Variants in MARCHF4 observed in about 807,000 individuals in gnomAD.
The protein encoded by MARCHF4 is E3 ubiquitin-protein ligase MARCHF4.
MARCHF4 carries 14 observed loss-of-function variants against 43.9 expected under a neutral mutation model. The ratio of observed to expected loss-of-function variants is 0.32; its 90% confidence interval spans 0.21 to 0.50. MARCHF4 has a LOEUF of 0.50. Among genes scored for constraint, MARCHF4 ranks in the 20% least tolerant of loss-of-function variants. MARCHF4 has a pLI of 0.98. For missense variants in MARCHF4, 468 were observed against 536.7 expected, an observed-to-expected ratio of 0.87 and a Z score of 1.27; for synonymous variants, 226 against 213.3, an observed-to-expected ratio of 1.06 and a Z score of -0.52.
At chr2:216,308,772 G>A (rs1170054437) in intron 1 of MARCHF4, among the ~76,000 whole-genome samples, 5 of 152,162 alleles carry the variant, frequency 3.3e-5, no homozygotes, top group African/African-American at 9.7e-5. Context: ...TCATTAACCT[G>A]AGCTAAAAAT....
chr2:216,333,049 C>T (rs1204722214), intron 1 of MARCHF4, among the ~76,000 whole-genome samples: 1 of 152,210 alleles, frequency 6.6e-6, no homozygotes, highest in Non-Finnish European at 1.5e-5. Flanking sequence ...AAATCCATAA[C>T]TCTTCTAGAA....
rs112806320 is a variant in MARCHF4, at chr2:216,351,249, G to A, written c.516+18496C>T. 8.6e-3 allele frequency among the ~76,000 whole-genome samples: 1,306 copies of A among 152,246 alleles called. 18 individuals are homozygous for A. The highest frequency in any genetic ancestry group is 0.03 in the African/African-American group (1,229 of 41,526). On this transcript the variant is annotated intron_variant, in intron 1 of 3. Transcript: ENST00000273067. ...CACTGCATGCCAGGCATCACCACGC[G>A]CAAGGAAAAGAACATCTTGGATATT...
At chr2:216,320,607 TTTTCTTTCTTTC>T (rs552086212) in intron 1 of MARCHF4, among the ~76,000 whole-genome samples, 5,431 of 112,058 alleles carry the variant, frequency 0.048, 275 homozygotes, top group East Asian at 0.072. Flanking sequence ...TATAGCCTCT[TTTTCTTTCTTTC>T]TTTCTTTCTT....
chr2:216,282,671 G>A (rs867514489), intron 2 of MARCHF4, among the ~76,000 whole-genome samples: 7 of 152,292 alleles, frequency 4.6e-5, no homozygotes, highest in Middle Eastern at 3.4e-3. Flanking sequence ...GCATTTGTGA[G>A]GGTGGCACAG....
chr2:216,343,033 T>C (rs1692259486), intron 1 of MARCHF4, among the ~76,000 whole-genome samples: 1 of 151,996 alleles, frequency 6.6e-6, no homozygotes. Context: ...TGGTGAACTG[T>C]CCCCCTGTCC....
intron 3 of MARCHF4, among the ~76,000 whole-genome samples, chr2:216,276,818 A>G (rs956145271): frequency 2.0e-5 from 3 of 152,116 alleles, no homozygotes; most frequent in African/African-American, 7.2e-5. Flanking sequence ...TGCTTGGACC[A>G]TATCTTCAGA....
chr2:216,355,497 T>C (rs1278170346), intron 1 of MARCHF4, among the ~76,000 whole-genome samples: 1 of 152,210 alleles, frequency 6.6e-6, no homozygotes, highest in African/African-American at 2.4e-5. Context: ...ATTGCATTTG[T>C]AGAAAGAATA....
chr2:216,301,834 C>T (rs1278277335), intron 1 of MARCHF4, among the ~76,000 whole-genome samples: 1 of 152,020 alleles, frequency 6.6e-6, no homozygotes, highest in African/African-American at 2.4e-5. Flanking sequence ...AAAATGAGGG[C>T]AACAGTATTG....
intron 1 of MARCHF4, among the ~76,000 whole-genome samples, chr2:216,284,362 G>A (rs1691185242): frequency 6.6e-6 from 1 of 152,238 alleles, no homozygotes. Flanking sequence ...GCAAGATGGT[G>A]TGAGGATTTG....
chr2:216,283,954 C>G (rs1455417576), intron 1 of MARCHF4, among the ~76,000 whole-genome samples: 1 of 152,160 alleles, frequency 6.6e-6, no homozygotes, highest in Non-Finnish European at 1.5e-5. Context: ...GCCCCTGCTA[C>G]TGCTTGATAC....
intron 1 of MARCHF4, among the ~76,000 whole-genome samples, chr2:216,302,897 CAAAAAAAA>C (rs201503998): frequency 4.6e-4 from 36 of 78,358 alleles, no homozygotes; most frequent in African/African-American, 2.6e-3. Context: ...GACTCTGTAT[CAAAAAAAA>C]AAAAAAAAAA....
intron 1 of MARCHF4, among the ~76,000 whole-genome samples, chr2:216,313,179 C>A (rs1488494884): frequency 2.6e-5 from 4 of 152,048 alleles, no homozygotes; most frequent in African/African-American, 9.7e-5. Flanking sequence ...TGTGAAAGGT[C>A]AATTTGTTGT....
chr2:216,369,400 G>C (rs1692717031), intron 1 of MARCHF4, among the ~76,000 whole-genome samples: 1 of 152,214 alleles, frequency 6.6e-6, no homozygotes, highest in Admixed American at 6.5e-5. Context: ...TTAGATAAAA[G>C]GATATCTTGG....
chr2:216,295,890 G>T (rs1019818632), intron 1 of MARCHF4, among the ~76,000 whole-genome samples: 3 of 152,252 alleles, frequency 2.0e-5, no homozygotes, highest in Non-Finnish European at 2.9e-5. Context: ...GCTCACGCCT[G>T]TAATTCCAGC....
Position 216,370,007 on chromosome 2 carries a change from C to A in MARCHF4, c.254G>T (p.Gly85Val), listed in dbSNP as rs750476996. ...ANNTLPALGA[G>V]GWAGWRGPRE... ...GGGGCCCCTCCAGCCTGCCCACCCC[C>A]CGGCGCCCAGAGCCGGAAGGGTGTT... Residue 85 changes from glycine (G) to valine (V), a missense_variant, in exon 1 of 4, where the codon GGG (glycine) becomes GTG (valine). Coordinates refer to ENST00000273067, the MANE Select transcript of MARCHF4 (RefSeq NM_020814.3). The A allele has an allele frequency of 2.6e-5, 40 of 1,540,630 alleles. No individual in the cohort carries two copies. The highest frequency in any genetic ancestry group is 3.3e-5 in the Non-Finnish European group (38 of 1,139,100).
At position 216,313,188 on chromosome 2, in the gene MARCHF4, G is replaced by T. The variant is rs544662084; in HGVS notation, c.517-29459C>A. 1.7e-4 allele frequency among the ~76,000 whole-genome samples: 26 copies of T among 152,246 alleles called. No homozygotes were observed. In the South Asian group the frequency reaches 4.6e-3, roughly 27 times the overall value. ...CAAGTTTGTGAAAGGTCAATTTGTT[G>T]TAGGTATGTGGCTTTTTTTCTGGGT... On this transcript the variant is annotated intron_variant, in intron 1 of 3. Transcript: ENST00000273067.
intron 1 of MARCHF4, among the ~76,000 whole-genome samples, chr2:216,322,033 G>T (rs1252626373): frequency 1.3e-5 from 2 of 152,180 alleles, no homozygotes; most frequent in Non-Finnish European, 2.9e-5. Context: ...TGACTGAAAT[G>T]GCTGTGAAAT....
At chr2:216,340,897 G>A (rs1289132788) in intron 1 of MARCHF4, among the ~76,000 whole-genome samples, 1 of 152,138 alleles carries the variant, frequency 6.6e-6, no homozygotes, top group East Asian at 1.9e-4. Context: ...AGAGAAGTGA[G>A]GCACCTTGTC....
At chr2:216,350,505 C>T (rs1301751518) in intron 1 of MARCHF4, among the ~76,000 whole-genome samples, 2 of 151,194 alleles carry the variant, frequency 1.3e-5, no homozygotes, top group African/African-American at 4.9e-5. Context: ...CATCATGCCA[C>T]ACCATCACCA....
Sources: allele counts gnomAD v4.1 joint callset (sites outside exome capture counted in the v4.1 genomes callset), GRCh38; gene constraint gnomAD v4.1.1; transcripts MANE v1.5; gene names NCBI Gene and HGNC (gene_info 2026-07-23, HGNC 2026-07-21).